FYB1: variants seen among roughly 807,000 people sequenced by gnomAD.
The protein encoded by FYB1 is FYN-binding protein 1.
In FYB1, 41 loss-of-function variants were observed where a neutral mutation model predicts 94.1. That is an observed-to-expected ratio of 0.44 (90% CI 0.34 to 0.57). The LOEUF is 0.57. Ranked by LOEUF, FYB1 falls within the 20% of genes least tolerant of loss-of-function variation. FYB1 has a pLI of 0.02. For missense variants in FYB1, 1,050 were observed against 976.8 expected (o/e 1.07, Z -1.00); for synonymous variants, 367 against 353.2 (o/e 1.04, Z -0.44).
In FYB1 at chr5:39,137,716, C is replaced by T; in HGVS notation, c.1399G>A (p.Ala467Thr). Reference protein sequence around the residue: ...SEGETYEDIEASKEREKKREK... With the variant: ...SEGETYEDIETSKEREKKREK... ...CTTTTCTTCTCTCTTTCTTTGGATG[C>T]TTCTCTGTGAGTAAAAATTGTTAGG... The change falls in exon 7 of 19, where the codon GCA becomes ACA. Residue 467 changes from alanine to threonine, a missense_variant. Physicochemically the swap from Ala to Thr is moderately conservative, Grantham distance 58 (BLOSUM62 0). Coordinates refer to ENST00000512982, the MANE Select transcript of FYB1 (RefSeq NM_001465.6). 6.4e-7 allele frequency: 1 copy of T among 1,550,766 alleles called. No individual in the cohort carries two copies. The highest frequency in any genetic ancestry group is 8.7e-7 in the Non-Finnish European group (1 of 1,146,602).
At chr5:39,169,672 C>T in intron 2 of FYB1, 1 of 437,216 alleles carries the variant, frequency 2.3e-6, no homozygotes, top group Non-Finnish European at 4.5e-6. Context: ...TGGTGAAACT[C>T]TGTCTCTATT....
intron 2 of FYB1, among the ~76,000 whole-genome samples, chr5:39,198,669 T>G (rs1327333348): frequency 6.6e-6 from 1 of 152,146 alleles, no homozygotes; most frequent in Non-Finnish European, 1.5e-5. Flanking sequence ...TTGTGTGAGA[T>G]GATTTTGCCC....
At chr5:39,263,079 T>A (rs10085119) in intron 1 of FYB1, among the ~76,000 whole-genome samples, 3,370 of 152,272 alleles carry the variant, frequency 0.022, 113 homozygotes, top group African/African-American at 0.077. Context: ...GCATTTGTTG[T>A]ATTATGTGTT....
intron 1 of FYB1, among the ~76,000 whole-genome samples, chr5:39,240,139 G>A (rs531255239): frequency 2.6e-5 from 4 of 152,286 alleles, no homozygotes; most frequent in Admixed American, 1.3e-4. Context: ...GATTGAAGCT[G>A]AACCCCTCCT....
intron 3 of FYB1, among the ~76,000 whole-genome samples, chr5:39,147,280 T>C (rs1742742494): frequency 6.6e-6 from 1 of 152,130 alleles, no homozygotes; most frequent in African/African-American, 2.4e-5. Context: ...TCTTTTCTTT[T>C]TTTTTTGGAG....
rs750477485 is a variant in FYB1, at chr5:39,203,007, A to C, written c.-27-20T>G. The C allele has an allele frequency of 2.5e-6, 4 of 1,605,222 alleles. No homozygotes were observed. Among genetic ancestry groups the C allele is most frequent in the Non-Finnish European group, 3.4e-6 (4 of 1,174,296 alleles). ...TCCATCCTACAAACATAGGGAACAA[A>C]AAATAGCTGAGAGACAAAAGTCTTA... On this transcript the variant is annotated intron_variant, in intron 1 of 18. Coordinates refer to ENST00000512982, the MANE Select transcript of FYB1 (RefSeq NM_001465.6).
chr5:39,177,091 T>C (rs1262939933), intron 2 of FYB1, among the ~76,000 whole-genome samples: 1 of 152,206 alleles, frequency 6.6e-6, no homozygotes, highest in Non-Finnish European at 1.5e-5. Context: ...AACAGTAGAA[T>C]ATAACTTTTT....
chr5:39,168,004 C>G (rs920010285), intron 2 of FYB1, among the ~76,000 whole-genome samples: 2 of 152,124 alleles, frequency 1.3e-5, no homozygotes, highest in Non-Finnish European at 2.9e-5. Context: ...ACAAAAGACA[C>G]TTTATAAATG....
chr5:39,109,899 C>T (rs1012985804), intron 17 of FYB1, among the ~76,000 whole-genome samples: 15 of 151,990 alleles, frequency 9.9e-5, no homozygotes, highest in Admixed American at 6.6e-5. Context: ...CTCTACTATG[C>T]CTAGTGTGAG....
rs202147183 is a variant in FYB1 at position 39,144,727 on chromosome 5, G to A, written c.1293-3586C>T. 2.4e-4 allele frequency among the ~76,000 whole-genome samples: 37 copies of A among 152,222 alleles called. No individual in the cohort carries two copies. In the East Asian group the frequency reaches 6.6e-3, roughly 27 times the overall value. On this transcript the variant is annotated intron_variant, in intron 3 of 18. Transcript: ENST00000512982. ...TGAGGCACGAGAATCTATTGAACCC[G>A]GGAGGTGGAGATTGCAGTGAGCCAA...
At chr5:39,125,895 A>C in intron 12 of FYB1, 103 bp downstream of exon 12, 1 of 1,135,922 alleles carries the variant, frequency 8.8e-7, no homozygotes, top group East Asian at 2.4e-5. Flanking sequence ...AGATGATTTA[A>C]GTCTATCAGA....
At chr5:39,164,290 A>C (rs61526978) in intron 2 of FYB1, among the ~76,000 whole-genome samples, 27,750 of 152,180 alleles carry the variant, frequency 0.18, 2,677 homozygotes, top group Non-Finnish European at 0.21. Context: ...GCCCACTGTA[A>C]ATATGTGAAG....
chr5:39,232,841 G>C (rs1017521527), intron 1 of FYB1, among the ~76,000 whole-genome samples: 2 of 151,312 alleles, frequency 1.3e-5, no homozygotes, highest in African/African-American at 2.4e-5. Context: ...TCTTGCGATA[G>C]TTTACTGAGA....
At chr5:39,219,308 T>C (rs1186174290) in intron 1 of FYB1, 135 bp downstream of exon 1, 6 of 440,008 alleles carry the variant, frequency 1.4e-5, no homozygotes, top group Non-Finnish European at 1.8e-5. Flanking sequence ...TTTGCTATTT[T>C]CCAACAGAAC....
At chr5:39,255,060 C>T (rs1312884241) in intron 1 of FYB1, among the ~76,000 whole-genome samples, 1 of 152,052 alleles carries the variant, frequency 6.6e-6, no homozygotes, top group Non-Finnish European at 1.5e-5. Flanking sequence ...TTTACCTTTT[C>T]TACATTTTCT....
intron 1 of FYB1, among the ~76,000 whole-genome samples, chr5:39,259,523 C>CTT (rs1284448978): frequency 3.9e-5 from 6 of 152,102 alleles, no homozygotes; most frequent in Non-Finnish European, 7.3e-5. Context: ...ACTAACCAAC[C>CTT]GATCAACAAA....
chr5:39,189,859 T>A (rs260332), intron 2 of FYB1, among the ~76,000 whole-genome samples: 13 of 151,622 alleles, frequency 8.6e-5, no homozygotes, highest in Non-Finnish European at 1.2e-4. Flanking sequence ...GGGAAACTGC[T>A]GAGTCCTTGT....
intron 2 of FYB1, among the ~76,000 whole-genome samples, chr5:39,164,572 C>T (rs181304533): frequency 3.0e-4 from 46 of 152,092 alleles, no homozygotes; most frequent in African/African-American, 1.1e-3. Context: ...TTATAGGTAA[C>T]CACCACCACA....
chr5:39,241,896 G>T (rs1166089360), intron 1 of FYB1, among the ~76,000 whole-genome samples: 1 of 151,670 alleles, frequency 6.6e-6, no homozygotes. Context: ...TGTTATTTAA[G>T]GTACAAGTCT....
Sources: gnomAD v4.1 joint callset for allele counts (sites outside exome capture counted in the v4.1 genomes callset) on GRCh38, gnomAD v4.1.1 for gene constraint, MANE v1.5 for transcripts, NCBI Gene and HGNC (gene_info 2026-07-23, HGNC 2026-07-21) for gene names.